The following SUGP2 variants were observed in gnomAD, a reference collection of about 807,000 sequenced individuals.
SUGP2 encodes the protein SURP and G-patch domain containing 2, also known as SURP and G-patch domain-containing protein 2.
A neutral mutation model predicts 90.5 loss-of-function variants in SUGP2; 24 were observed. The observed-to-expected ratio is 0.27, with a 90% CI of 0.19 to 0.37. SUGP2 has a LOEUF of 0.37. SUGP2 is among the 10% of genes least tolerant of loss of function. The pLI, the probability that SUGP2 is intolerant of heterozygous loss-of-function variation, is 1.00. For synonymous variants in SUGP2, 473 were observed against 513.4 expected, an observed-to-expected ratio of 0.92 and a Z score of 1.06; for missense variants, 1,233 against 1,363.3, an observed-to-expected ratio of 0.90 and a Z score of 1.51.
chr19:19,031,649 G>A (rs1389443458), intron 1 of SUGP2, among the ~76,000 whole-genome samples: 1 of 152,034 alleles, frequency 6.6e-6, no homozygotes, highest in African/African-American at 2.4e-5. Flanking sequence ...GTTGCAGTGA[G>A]CCGAGATCAT....
intron 4 of SUGP2, among the ~76,000 whole-genome samples, chr19:19,017,708 G>A (rs2058554080): frequency 1.3e-5 from 2 of 150,836 alleles, no homozygotes; most frequent in African/African-American, 4.9e-5. Flanking sequence ...GGAAACAGAG[G>A]TTGTAGTGAG....
chr19:19,020,439 A>C (rs927649323), intron 3 of SUGP2, among the ~76,000 whole-genome samples: 2 of 149,354 alleles, frequency 1.3e-5, no homozygotes, highest in African/African-American at 4.9e-5. Flanking sequence ...CTCAAAAAAA[A>C]AAAAAGGCAA....
In SUGP2 at chr19:19,027,248, T is replaced by A. The variant is rs922967234; in HGVS notation, c.122-1022A>T. 2.0e-5 allele frequency among the ~76,000 whole-genome samples: 3 copies of A among 152,160 alleles called. No homozygotes were observed. The South Asian group carries it at 6.2e-4, about 32-fold the overall frequency. Reference sequence around the variant, plus strand: ...CAGTGGGCCTCAGGGAGAGTTTTCATGGAATGCCTTTCTTTCTAGCTTTTC... The same window carrying A: ...CAGTGGGCCTCAGGGAGAGTTTTCAAGGAATGCCTTTCTTTCTAGCTTTTC... On this transcript the variant is annotated intron_variant, in intron 2 of 10. Coordinates refer to ENST00000452918, the MANE Select transcript of SUGP2 (RefSeq NM_001017392.5).
intron 2 of SUGP2, among the ~76,000 whole-genome samples, 169 bp downstream of exon 2, chr19:19,030,782 T>C (rs566360743): frequency 6.6e-6 from 1 of 151,912 alleles, no homozygotes; most frequent in East Asian, 1.9e-4. Context: ...TAAGACCCTA[T>C]CACAAAAAAG....
Position 18,994,494 on chromosome 19 carries a change from G to A in SUGP2, c.3129-8C>T. 6.2e-7 allele frequency: 1 copy of A among 1,613,354 alleles called. No individual in the cohort carries two copies. The highest frequency in any genetic ancestry group is 8.5e-7 in the Non-Finnish European group (1 of 1,179,612). On this transcript the variant is annotated splice_region_variant and splice_polypyrimidine_tract_variant and intron_variant, in intron 9 of 10. Coordinates refer to ENST00000452918, the MANE Select transcript of SUGP2 (RefSeq NM_001017392.5). ...CCTTCCGAGGGGGTTCCCCTAGGGA[G>A]TGAAAAAGAGAGTCAGTTGTGCACC...
At chr19:19,024,475 A>G in intron 3 of SUGP2, 144 bp downstream of exon 3, 1 of 841,010 alleles carries the variant, frequency 1.2e-6, no homozygotes, top group South Asian at 1.8e-5. Context: ...TGGCAGACAT[A>G]TATTGGCCAA....
chr19:19,020,130 G>A (rs2058667048), intron 3 of SUGP2, among the ~76,000 whole-genome samples: 2 of 150,954 alleles, frequency 1.3e-5, no homozygotes, highest in Admixed American at 1.3e-4. Context: ...TCTGCTGAAT[G>A]TATAAGAAAC....
intron 4 of SUGP2, among the ~76,000 whole-genome samples, chr19:19,011,105 C>T (rs1243896253): frequency 6.6e-6 from 1 of 151,328 alleles, no homozygotes; most frequent in African/African-American, 2.4e-5. Flanking sequence ...CACCACTGCA[C>T]TCCAGTCTGG....
chr19:19,028,495 G>C (rs956619454), intron 2 of SUGP2, among the ~76,000 whole-genome samples: 4 of 152,218 alleles, frequency 2.6e-5, no homozygotes, highest in Non-Finnish European at 5.9e-5. Context: ...GGCATGATTA[G>C]GGAGGGAACA....
At chr19:19,029,291 G>A (rs1325545481) in intron 2 of SUGP2, among the ~76,000 whole-genome samples, 5 of 146,012 alleles carry the variant, frequency 3.4e-5, no homozygotes, top group East Asian at 2.1e-4. Context: ...ACAGGCGCCC[G>A]CCACCACGCC....
intron 3 of SUGP2, among the ~76,000 whole-genome samples, chr19:19,023,968 C>T (rs754883603): frequency 3.2e-4 from 48 of 152,032 alleles, no homozygotes; most frequent in Non-Finnish European, 3.8e-4. Flanking sequence ...AAGGAACAAG[C>T]GTTCTTAACC....
chr19:18,995,222 T>C lies in SUGP2; in HGVS notation c.3050A>G (p.Gln1017Arg), dbSNP rs2057527397. The C allele has an allele frequency of 1.9e-6, 3 of 1,612,582 alleles. No individual in the cohort carries two copies. The South Asian group carries it at 3.3e-5, about 18-fold the overall frequency. ...QKLTDKNLGFQMLQKMGWKEG... is the reference protein window; with the variant it reads ...QKLTDKNLGFRMLQKMGWKEG... ...CTTCCAGCCCATCTTCTGCAGCATC[T>C]GGAAGCCCAGGTTCTTATCGGTCAG... Residue 1017 changes from glutamine to arginine, a missense_variant, in exon 9 of 11, where the codon CAG (glutamine) becomes CGG (arginine). Gln to Arg is a conservative substitution (Grantham distance 43). This residue lies in a region of SUGP2 where 105 missense variants were observed against 155.2 expected (regional missense o/e 0.68). Coordinates refer to ENST00000452918, the MANE Select transcript of SUGP2 (RefSeq NM_001017392.5).
chr19:19,017,944 T>A (rs1386511903), intron 4 of SUGP2, among the ~76,000 whole-genome samples: 2 of 150,650 alleles, frequency 1.3e-5, no homozygotes, highest in Non-Finnish European at 3.0e-5. Context: ...TTTTTTTTTT[T>A]AAGAGAAATG....
chr19:19,020,345 T>C (rs937367596), intron 3 of SUGP2, among the ~76,000 whole-genome samples: 3 of 150,196 alleles, frequency 2.0e-5, no homozygotes, highest in African/African-American at 7.3e-5. Context: ...GGCAGGAGAA[T>C]AGCGTGAACC....
intron 6 of SUGP2, among the ~76,000 whole-genome samples, chr19:19,006,997 ACTGT>A (rs1471768045): frequency 6.6e-6 from 1 of 152,230 alleles, no homozygotes; most frequent in Non-Finnish European, 1.5e-5. Context: ...TGAAGGCATG[ACTGT>A]CCAACAAGCT....
intron 4 of SUGP2, among the ~76,000 whole-genome samples, chr19:19,018,298 C>T (rs2058576852): frequency 6.6e-6 from 1 of 152,120 alleles, no homozygotes; most frequent in African/African-American, 2.4e-5. Context: ...CGCCACTGTA[C>T]TCCAGCCTGG....
Position 19,002,034 on chromosome 19 carries a change from T to C in SUGP2, c.2930-360A>G, listed in dbSNP as rs571535717. Among the ~76,000 whole-genome samples the C allele has an allele frequency of 3.9e-5, 6 of 152,324 alleles. No individual in the cohort carries two copies. The East Asian group carries it at 7.7e-4, about 20-fold the overall frequency. On this transcript the variant is annotated intron_variant, in intron 7 of 10. Coordinates refer to ENST00000452918, the MANE Select transcript of SUGP2 (RefSeq NM_001017392.5). ...AGAAATATATTTTGCTTCAACAAAA[T>C]ATTTGTGATACTGTGCCCTCCTAGT... is the stretch of plus-strand genomic sequence containing the variant.
intron 4 of SUGP2, among the ~76,000 whole-genome samples, chr19:19,017,722 A>G (rs1442175045): frequency 6.6e-6 from 1 of 151,362 alleles, no homozygotes; most frequent in Non-Finnish European, 1.5e-5. Flanking sequence ...TAGTGAGCCG[A>G]GATCACACCA....
At chr19:19,010,401 G>A (rs1182683520) in intron 4 of SUGP2, 59 bp from the exon 5 acceptor site, 1 of 1,571,986 alleles carries the variant, frequency 6.4e-7, no homozygotes, top group Non-Finnish European at 8.6e-7. Context: ...GTCCCAAATT[G>A]TTCCTTCAAA....
Sources: allele counts gnomAD v4.1 joint callset (sites outside exome capture counted in the v4.1 genomes callset), GRCh38; gene constraint gnomAD v4.1.1; regional missense constraint gnomAD v4.1.1; transcripts MANE v1.5; gene names NCBI Gene and HGNC (gene_info 2026-07-23, HGNC 2026-07-21).